The following TCF7L2 variants were observed in gnomAD, a reference collection of about 807,000 sequenced individuals.
The protein encoded by TCF7L2 is transcription factor 7-like 2.
In TCF7L2, 23 loss-of-function variants were observed where a neutral mutation model predicts 77.9. The ratio of observed to expected loss-of-function variants is 0.30; its 90% CI spans 0.21 to 0.42. TCF7L2 has a LOEUF of 0.42. Among genes scored for constraint, TCF7L2 ranks in the 10% least tolerant of loss-of-function variants. The probability of loss-of-function intolerance (pLI) is 1.00; values close to 1 mark genes in which losing one functional copy is unlikely to be tolerated. For missense variants in TCF7L2, 654 were observed against 793.1 expected, an observed-to-expected ratio of 0.82 and a Z score of 2.11; for synonymous variants, 413 against 340.2, an observed-to-expected ratio of 1.21 and a Z score of -2.36.
chr10:113,038,151 T>G (rs1353969485), intron 4 of TCF7L2, among the ~76,000 whole-genome samples: 1 of 152,138 alleles, frequency 6.6e-6, no homozygotes, highest in African/African-American at 2.4e-5. Flanking sequence ...CTGTTGGTAT[T>G]TACTGTCTGG....
chr10:112,999,153 C>T (rs1196161219), intron 4 of TCF7L2, among the ~76,000 whole-genome samples: 1 of 152,248 alleles, frequency 6.6e-6, no homozygotes, highest in Non-Finnish European at 1.5e-5. Flanking sequence ...TAAGCAGTGC[C>T]TTTCCCCATT....
intron 5 of TCF7L2, among the ~76,000 whole-genome samples, chr10:113,058,336 A>G (rs1204856173): frequency 6.6e-6 from 1 of 152,136 alleles, no homozygotes; most frequent in African/African-American, 2.4e-5. Context: ...GGCCCTTTAG[A>G]GTAGAGATGA....
intron 4 of TCF7L2, among the ~76,000 whole-genome samples, chr10:113,002,784 C>T (rs115847132): frequency 0.015 from 2,238 of 152,114 alleles, 61 homozygotes; most frequent in African/African-American, 0.05. Flanking sequence ...AAAAAAAATG[C>T]GGATATGAAA....
chr10:113,092,799 G>A (rs1210915454), intron 5 of TCF7L2, among the ~76,000 whole-genome samples: 1 of 152,192 alleles, frequency 6.6e-6, no homozygotes, highest in Non-Finnish European at 1.5e-5. Flanking sequence ...GGGGGACGGA[G>A]GTTGCAGTGA....
At chr10:113,126,515 T>G in intron 5 of TCF7L2, 1 of 974,478 alleles carries the variant, frequency 1.0e-6, no homozygotes, top group Non-Finnish European at 1.2e-6. Context: ...TTCTTTTGAT[T>G]GAATGCCGGG....
At position 113,014,168 on chromosome 10, in the gene TCF7L2, A is replaced by G. The variant is rs7904519; in HGVS notation, c.451-25857A>G. Among the ~76,000 whole-genome samples, 81,603 of 151,974 alleles carry G rather than the reference A, an allele frequency of 0.54. 24,623 individuals are homozygous for G. Among genetic ancestry groups the G allele is most frequent in the African/African-American group, 0.81 (33,438 of 41,470 alleles). ...TTAGACAGGGAATGGGTTAGTTCCC[A>G]GGTCGGCATTCAGCTGAAACAGTGA... On this transcript the variant is annotated intron_variant, in intron 4 of 13. Coordinates refer to ENST00000627217, the MANE Select transcript of TCF7L2 (RefSeq NM_001146274.2).
At chr10:113,133,519 A>C (rs766963077) in intron 5 of TCF7L2, among the ~76,000 whole-genome samples, 2 of 152,150 alleles carry the variant, frequency 1.3e-5, no homozygotes, top group African/African-American at 4.8e-5. Flanking sequence ...CTGGGTGGTT[A>C]TAGTATAGAA....
chr10:113,029,819 G>T (rs758105018), intron 4 of TCF7L2, among the ~76,000 whole-genome samples: 2 of 151,974 alleles, frequency 1.3e-5, no homozygotes, highest in African/African-American at 4.8e-5. Flanking sequence ...GTGAGCCACC[G>T]CGCCAAGCCT....
intron 4 of TCF7L2, among the ~76,000 whole-genome samples, chr10:112,982,166 G>A (rs2040587329): frequency 6.6e-6 from 1 of 151,900 alleles, no homozygotes; most frequent in Non-Finnish European, 1.5e-5. Flanking sequence ...TAGTTTCCAG[G>A]TCAAAATTTC....
intron 5 of TCF7L2, among the ~76,000 whole-genome samples, chr10:113,099,395 C>T (rs35648593): frequency 0.1 from 15,790 of 152,226 alleles, 978 homozygotes; most frequent in Non-Finnish European, 0.13. Flanking sequence ...GCTGTCCTCA[C>T]CTGCCCCACG....
chr10:113,099,610 T>A (rs566106245), intron 5 of TCF7L2, among the ~76,000 whole-genome samples: 18 of 152,224 alleles, frequency 1.2e-4, no homozygotes, highest in Non-Finnish European at 2.5e-4. Flanking sequence ...ATCTTCTGTG[T>A]GTGCTTGTCC....
chr10:113,147,573 G>A (rs2069742495), intron 8 of TCF7L2, among the ~76,000 whole-genome samples: 3 of 152,166 alleles, frequency 2.0e-5, no homozygotes, highest in Non-Finnish European at 4.4e-5. Flanking sequence ...ATTAAATAGT[G>A]TCATCACAGC....
intron 5 of TCF7L2, among the ~76,000 whole-genome samples, chr10:113,070,914 C>G (rs967408096): frequency 1.3e-5 from 2 of 152,164 alleles, no homozygotes; most frequent in African/African-American, 4.8e-5. Flanking sequence ...CACAAAACCC[C>G]CGTGTCTCCT....
intron 4 of TCF7L2, among the ~76,000 whole-genome samples, chr10:112,991,796 A>G (rs1339601808): frequency 6.6e-6 from 1 of 152,124 alleles, no homozygotes; most frequent in Non-Finnish European, 1.5e-5. Context: ...TGGAAGGAGT[A>G]GGGCACGTGG....
chr10:113,162,211 C>T (rs1220066235), intron 13 of TCF7L2, among the ~76,000 whole-genome samples: 2 of 152,184 alleles, frequency 1.3e-5, no homozygotes, highest in Non-Finnish European at 2.9e-5. Flanking sequence ...ACAAGGGTCA[C>T]TAAAAGAGAG....
intron 5 of TCF7L2, among the ~76,000 whole-genome samples, chr10:113,113,330 T>C (rs2063351962): frequency 6.6e-6 from 1 of 152,326 alleles, no homozygotes; most frequent in South Asian, 2.1e-4. Flanking sequence ...CAACAACTTA[T>C]AACTTACCAA....
chr10:113,009,037 G>A (rs2046029000), intron 4 of TCF7L2, among the ~76,000 whole-genome samples: 1 of 152,168 alleles, frequency 6.6e-6, no homozygotes. Context: ...CTGGGTTCAA[G>A]CGATCCTCCC....
chr10:112,990,220 G>A (rs2042280078), intron 4 of TCF7L2, among the ~76,000 whole-genome samples: 2 of 152,176 alleles, frequency 1.3e-5, no homozygotes, highest in African/African-American at 4.8e-5. Context: ...CAAGTTTCCA[G>A]GGTATCTCAG....
intron 5 of TCF7L2, among the ~76,000 whole-genome samples, chr10:113,120,400 G>A (rs1446528313): frequency 6.6e-6 from 1 of 152,178 alleles, no homozygotes; most frequent in Non-Finnish European, 1.5e-5. Context: ...TTTTTCAGAT[G>A]TTGCGATTTA....
Sources: gnomAD v4.1 joint callset for allele counts (sites outside exome capture counted in the v4.1 genomes callset) on GRCh38, gnomAD v4.1.1 for gene constraint, MANE v1.5 for transcripts, NCBI Gene and HGNC (gene_info 2026-07-23, HGNC 2026-07-21) for gene names.